Variants in GDA observed in about 807,000 individuals in gnomAD.
GDA encodes the protein cytoplasmic PSD-95 interactor.
A neutral mutation model predicts 59.6 loss-of-function variants in GDA; 18 were observed. The observed-to-expected ratio is 0.30, with a 90% CI of 0.21 to 0.45. GDA has a LOEUF of 0.45. Among genes scored for constraint, GDA ranks in the 20% least tolerant of loss-of-function variants. The pLI is 1.00. For synonymous variants in GDA, 201 were observed against 201.1 expected (o/e 1.00, Z 0.00); for missense variants, 427 against 552.3 (o/e 0.77, Z 2.27).
At chr9:72,208,086 G>A (rs1834939724) in intron 3 of GDA, among the ~76,000 whole-genome samples, 1 of 151,518 alleles carries the variant, frequency 6.6e-6, no homozygotes, top group East Asian at 2.0e-4. Context: ...TCCAGAGCAA[G>A]ACCCTGTCTC....
intron 1 of GDA, among the ~76,000 whole-genome samples, chr9:72,157,928 T>C (rs1441144266): frequency 6.6e-6 from 1 of 152,222 alleles, no homozygotes; most frequent in Non-Finnish European, 1.5e-5. Flanking sequence ...AATTTCTCCC[T>C]GTTTTCCAGC....
In GDA at chr9:72,234,591, G is replaced by T. The variant is rs188513377; in HGVS notation, c.988+3410G>T. Among the ~76,000 whole-genome samples the T allele has an allele frequency of 9.6e-3, 1,468 of 152,222 alleles. 11 individuals carry two copies. In the Middle Eastern group the frequency reaches 0.099, roughly 10 times the overall value. On this transcript the variant is annotated intron_variant, in intron 10 of 13. Transcript: ENST00000358399. The stretch of plus-strand genomic sequence containing the variant: ...AGAAACCACAGAGCCAACACATGGG[G>T]TTTTTTTCTGATGGAGCACCCAGAA...
chr9:72,125,689 C>T (rs1825821987), intron 1 of GDA, among the ~76,000 whole-genome samples: 1 of 152,222 alleles, frequency 6.6e-6, no homozygotes, highest in African/African-American at 2.4e-5. Context: ...GATTTAGCAG[C>T]AGGTCAATGG....
At chr9:72,170,801 G>C (rs1306080263) in intron 1 of GDA, among the ~76,000 whole-genome samples, 1 of 143,772 alleles carries the variant, frequency 7.0e-6, no homozygotes, top group East Asian at 1.9e-4. Flanking sequence ...GATCCAGTGA[G>C]GCCAATGAAT....
chr9:72,211,213 GC>G (rs1835317353), intron 4 of GDA, among the ~76,000 whole-genome samples: 1 of 152,154 alleles, frequency 6.6e-6, no homozygotes, highest in Non-Finnish European at 1.5e-5. Context: ...AATAGTCTCT[GC>G]CCTTGAGAAG....
At chr9:72,159,466 A>G (rs1828342442) in intron 1 of GDA, among the ~76,000 whole-genome samples, 1 of 152,158 alleles carries the variant, frequency 6.6e-6, no homozygotes, top group Non-Finnish European at 1.5e-5. Flanking sequence ...TTAAAACCCA[A>G]CTGTGTCAAT....
chr9:72,226,311 G>T (rs1171264979), intron 8 of GDA, among the ~76,000 whole-genome samples: 2 of 152,154 alleles, frequency 1.3e-5, no homozygotes, highest in East Asian at 3.8e-4. Context: ...AAAGAGGTAT[G>T]CAGGCTTACA....
intron 2 of GDA, among the ~76,000 whole-genome samples, chr9:72,199,417 C>T (rs553443989): frequency 6.6e-6 from 1 of 152,320 alleles, no homozygotes; most frequent in South Asian, 2.1e-4. Context: ...AATCCTTGCG[C>T]TTCTGTTGCC....
upstream of GDA, among the ~76,000 whole-genome samples, chr9:72,147,471 T>A (rs1181094676): frequency 1.3e-5 from 2 of 152,256 alleles, no homozygotes; most frequent in Non-Finnish European, 2.9e-5. Flanking sequence ...CCCAAAGTGT[T>A]GGGATTACAG....
At chr9:72,225,142 A>G (rs962573433) in intron 7 of GDA, among the ~76,000 whole-genome samples, 4 of 152,154 alleles carry the variant, frequency 2.6e-5, no homozygotes, top group Admixed American at 6.5e-5. Context: ...TTAGCCAGGC[A>G]TGGTGACACA....
At chr9:72,237,879 A>G (rs1220758072) in intron 10 of GDA, among the ~76,000 whole-genome samples, 1 of 151,772 alleles carries the variant, frequency 6.6e-6, no homozygotes, top group Non-Finnish European at 1.5e-5. Context: ...CTTTCCCCTC[A>G]TTGGTCACTA....
chr9:72,259,739 T>C (rs1840919985), downstream of GDA, among the ~76,000 whole-genome samples: 1 of 152,160 alleles, frequency 6.6e-6, no homozygotes, highest in Non-Finnish European at 1.5e-5. Context: ...AGTCAAAAGA[T>C]TTTCTGCTCA....
chr9:72,218,555 A>G (rs1328692944), intron 5 of GDA, among the ~76,000 whole-genome samples: 1 of 152,212 alleles, frequency 6.6e-6, no homozygotes, highest in African/African-American at 2.4e-5. Flanking sequence ...TAGGGAGGGC[A>G]GAAAGAGCCA....
At position 72,245,179 on chromosome 9, in the gene GDA, T is replaced by C; in HGVS notation, c.1167T>C (p.Phe389=). Residue 389 remains phenylalanine (F), a synonymous_variant, in exon 12 of 14, where the codon TTT becomes TTC. Transcript: ENST00000358399. The part of the protein sequence containing the change: ...ALGLDGEIGN[F]EVGKEFDAIL... The stretch of plus-strand genomic sequence containing the variant: ...GGCTGGATGGTGAGATTGGAAACTT[T>C]GAAGTGGGCAAGGAATTTGATGCCA... The C allele has an allele frequency of 1.2e-6, 2 of 1,613,758 alleles. No homozygotes were observed. The highest frequency in any genetic ancestry group is 1.7e-6 in the Non-Finnish European group (2 of 1,179,664).
intron 1 of GDA, among the ~76,000 whole-genome samples, chr9:72,187,818 A>G (rs545982764): frequency 4.4e-4 from 67 of 152,306 alleles, no homozygotes; most frequent in Non-Finnish European, 9.3e-4. Flanking sequence ...AGAAATATGG[A>G]CAGTAAAGGC....
intron 6 of GDA, among the ~76,000 whole-genome samples, chr9:72,221,396 C>T (rs537058748): frequency 1.3e-5 from 2 of 152,130 alleles, no homozygotes; most frequent in South Asian, 4.2e-4. Context: ...AAGAAGATAC[C>T]CTCCTTTATT....
Position 72,127,682 on chromosome 9 carries a change from G to A in GDA, c.-100+12849G>A, listed in dbSNP as rs79749777. ...GAAAATCAGAAAATCTTTTCTGGGAGAATCAACAGTATGTCTGTGGGTTTA... is the reference window on the plus strand; with the variant it reads ...GAAAATCAGAAAATCTTTTCTGGGAAAATCAACAGTATGTCTGTGGGTTTA... On this transcript the variant is annotated intron_variant, in intron 1 of 13. Transcript: ENST00000545168. 7.0e-3 allele frequency among the ~76,000 whole-genome samples: 1,068 copies of A among 151,564 alleles called. 14 individuals are homozygous for A. Among genetic ancestry groups the A allele is most frequent in the East Asian group, 0.051 (263 of 5,178 alleles).
At chr9:72,163,911 G>A (rs374696439) in intron 1 of GDA, among the ~76,000 whole-genome samples, 43 of 152,296 alleles carry the variant, frequency 2.8e-4, no homozygotes, top group African/African-American at 9.6e-4. Context: ...ATAGAATTAC[G>A]TTCTTGGAGC....
chr9:72,168,530 G>A (rs1308906449), intron 1 of GDA, among the ~76,000 whole-genome samples: 1 of 151,778 alleles, frequency 6.6e-6, no homozygotes, highest in Non-Finnish European at 1.5e-5. Flanking sequence ...AAGTAGCTGG[G>A]ATTACAGGCA....
Sources: allele counts gnomAD v4.1 joint callset (sites outside exome capture counted in the v4.1 genomes callset), GRCh38; gene constraint gnomAD v4.1.1; transcripts MANE v1.5; gene names NCBI Gene and HGNC (gene_info 2026-07-23, HGNC 2026-07-21).